The following LRRN2 variants were observed in gnomAD, a reference collection of about 807,000 sequenced individuals.
LRRN2 encodes leucine-rich repeat neuronal protein 2.
Under a neutral mutation model 35.7 loss-of-function variants are expected in LRRN2, and 10 were observed. That is an observed-to-expected ratio of 0.28 (90% confidence interval 0.17 to 0.47). The LOEUF (loss-of-function observed/expected upper bound fraction) is 0.47. LRRN2 is among the 20% of genes least tolerant of loss of function. The pLI, the probability that LRRN2 is intolerant of heterozygous loss-of-function variation, is 0.99. For missense variants in LRRN2, 731 were observed against 940.3 expected (o/e 0.78, Z 2.91); for synonymous variants, 391 against 409.6 (o/e 0.95, Z 0.55).
At chr1:204,663,847 C>T (rs573664901) in intron 1 of LRRN2, 1 of 152,408 alleles carries the variant, frequency 6.6e-6, no homozygotes, top group Non-Finnish European at 1.5e-5. Flanking sequence ...GGCTATTACG[C>T]TGCTGTCGCA....
chr1:204,677,343 G>A (rs1483345023), intron 1 of LRRN2, among the ~76,000 whole-genome samples: 1 of 152,124 alleles, frequency 6.6e-6, no homozygotes, highest in African/African-American at 2.4e-5. Flanking sequence ...CGCCCCCCAT[G>A]TCTTGGGTGG....
In LRRN2 at chr1:204,685,648, C is replaced by G. The variant is rs547523992; in HGVS notation, c.-555G>C. On this transcript the variant is annotated 5_prime_UTR_variant, in exon 1 of 2. Coordinates refer to ENST00000367177, the MANE Select transcript of LRRN2 (RefSeq NM_201630.2). ...CGTTCGCAGGTGCCCGGAGCAGGCCCTCGCGGCGCCCGGCACCCCCTCCAC... is the reference window on the plus strand; with the variant it reads ...CGTTCGCAGGTGCCCGGAGCAGGCCGTCGCGGCGCCCGGCACCCCCTCCAC... 2 of 152,180 alleles carry G rather than the reference C, an allele frequency of 1.3e-5. No homozygotes were observed. Among genetic ancestry groups the G allele is most frequent in the East Asian group, 3.9e-4 (2 of 5,142 alleles). The allele number at this position is 152,180 out of a possible 1,614,324, so 9.4% of individuals were successfully genotyped here. A position where few individuals can be genotyped will look rare whatever the true frequency, so the allele number is the denominator to read the frequency against.
Position 204,652,264 on chromosome 1 carries a change from C to CCCCGCCCCCCCGG in LRRN2, c.-226-32047_-226-32046insCCGGGGGGGCGGG, listed in dbSNP as rs1226307656. ...CTTCGCCCTCTCCTCTTCACCGCCC[C>CCCCGCCCCCCCGG]CCCCCCGCCCCCCCGCCGCCTTCCT... On this transcript the variant is annotated intron_variant, in intron 1 of 1. Coordinates refer to ENST00000367177, the MANE Select transcript of LRRN2 (RefSeq NM_201630.2). Among the ~76,000 whole-genome samples the CCCCGCCCCCCCGG allele has an allele frequency of 3.8e-4, 4 of 10,568 alleles. No individual in the cohort carries two copies. In the South Asian group the frequency reaches 0.053, roughly 139 times the overall value. 6.9% of individuals were successfully genotyped at this position (10,568 alleles called of 152,430 possible).
chr1:204,641,880 C>T (rs748162742), intron 1 of LRRN2, among the ~76,000 whole-genome samples: 14 of 152,252 alleles, frequency 9.2e-5, no homozygotes, highest in Non-Finnish European at 1.6e-4. Flanking sequence ...TGGTTTTCTC[C>T]CAGTGAGGTA....
At chr1:204,670,007 T>TG (rs35814537) in intron 1 of LRRN2, among the ~76,000 whole-genome samples, 102,207 of 149,984 alleles carry the variant, frequency 0.68, 35,716 homozygotes, top group Non-Finnish European at 0.77. Flanking sequence ...TTTCCACTCG[T>TG]TTTTTTTTTT....
rs1316678896 is a variant in LRRN2, at chr1:204,619,946, G to T, written c.47C>A (p.Ala16Asp). The change falls in exon 2 of 2, where the codon GCC becomes GAC. Residue 16 changes from alanine to aspartate, a missense_variant. Ala to Asp is a moderately radical substitution (Grantham distance 126). Transcript: ENST00000367177. ...GGGTACCACGGGCACAGCGGCAGTGGCACCAGCCACCCAAGCTAGCAAGAG... is the reference window on the plus strand; with the variant it reads ...GGGTACCACGGGCACAGCGGCAGTGTCACCAGCCACCCAAGCTAGCAAGAG... ...APLLLAWVAG[A>D]TAAVPVVPWH... The T allele has an allele frequency of 1.2e-6, 2 of 1,612,836 alleles. No homozygotes were observed. The highest frequency in any genetic ancestry group is 1.7e-6 in the Non-Finnish European group (2 of 1,179,734).
chr1:204,662,079 G>C (rs1219770128), intron 1 of LRRN2, among the ~76,000 whole-genome samples: 31 of 152,210 alleles, frequency 2.0e-4, no homozygotes, highest in Admixed American at 2.0e-3. Context: ...GACGTGATCA[G>C]TTCTGTATCT....
chr1:204,665,582 G>A (rs558718357), intron 1 of LRRN2, among the ~76,000 whole-genome samples: 3 of 152,314 alleles, frequency 2.0e-5, no homozygotes, highest in East Asian at 3.9e-4. Flanking sequence ...TCCCCTTGAC[G>A]CCACAGGGCA....
intron 1 of LRRN2, among the ~76,000 whole-genome samples, chr1:204,670,896 T>C (rs1243325045): frequency 6.6e-6 from 1 of 152,158 alleles, no homozygotes; most frequent in Non-Finnish European, 1.5e-5. Flanking sequence ...CAGCCAACCC[T>C]TTCAGACATT....
At chr1:204,679,515 A>G (rs1668893625) in intron 1 of LRRN2, among the ~76,000 whole-genome samples, 1 of 152,192 alleles carries the variant, frequency 6.6e-6, no homozygotes, top group East Asian at 1.9e-4. Context: ...GCTAATAATC[A>G]CTGCCCTGCC....
intron 1 of LRRN2, among the ~76,000 whole-genome samples, chr1:204,667,990 C>T (rs577559290): frequency 5.9e-5 from 9 of 152,264 alleles, no homozygotes; most frequent in Admixed American, 2.6e-4. Context: ...CTTCCCTCAG[C>T]TTTGACCATC....
At chr1:204,650,154 T>C (rs765443050) in intron 1 of LRRN2, among the ~76,000 whole-genome samples, 3 of 152,136 alleles carry the variant, frequency 2.0e-5, no homozygotes, top group Non-Finnish European at 2.9e-5. Context: ...GAGGGTTAAG[T>C]GCCCACTGGC....
intron 1 of LRRN2, among the ~76,000 whole-genome samples, chr1:204,675,198 A>G (rs1394317247): frequency 6.6e-6 from 1 of 152,168 alleles, no homozygotes; most frequent in Non-Finnish European, 1.5e-5. Flanking sequence ...TTCTGAAGCA[A>G]TCCCTCCGGG....
At chr1:204,634,733 T>G (rs11811826) in intron 1 of LRRN2, among the ~76,000 whole-genome samples, 1 of 152,070 alleles carries the variant, frequency 6.6e-6, no homozygotes, top group Non-Finnish European at 1.5e-5. Flanking sequence ...GACACCTTGA[T>G]TTTGAACCTC....
intron 1 of LRRN2, among the ~76,000 whole-genome samples, chr1:204,678,784 G>T (rs187571198): frequency 1.3e-4 from 20 of 152,160 alleles, no homozygotes; most frequent in African/African-American, 3.4e-4. Flanking sequence ...CCCTGCACAA[G>T]ATAACAAACT....
intron 1 of LRRN2, among the ~76,000 whole-genome samples, chr1:204,636,007 T>A (rs1310908332): frequency 1.3e-5 from 2 of 152,182 alleles, no homozygotes; most frequent in African/African-American, 4.8e-5. Context: ...ACCTCCACCA[T>A]CACTATGGTC....
intron 1 of LRRN2, 120 bp from the exon 2 acceptor site, chr1:204,620,338 C>T (rs1208618571): frequency 2.1e-5 from 11 of 532,750 alleles, no homozygotes; most frequent in Non-Finnish European, 2.5e-5. Flanking sequence ...TGCAGCGGTG[C>T]ACTCAGCTGA....
At chr1:204,624,027 A>G (rs1260848490) in intron 1 of LRRN2, among the ~76,000 whole-genome samples, 2 of 152,204 alleles carry the variant, frequency 1.3e-5, no homozygotes, top group African/African-American at 4.8e-5. Flanking sequence ...ATTCAAACCC[A>G]GGGTCTTTGA....
chr1:204,670,975 T>G (rs1052012139), intron 1 of LRRN2, among the ~76,000 whole-genome samples: 3 of 152,150 alleles, frequency 2.0e-5, no homozygotes, highest in Non-Finnish European at 4.4e-5. Context: ...AGGTTTTTGT[T>G]GTTGTTTTGC....
Sources: gnomAD v4.1 joint callset for allele counts (sites outside exome capture counted in the v4.1 genomes callset) on GRCh38, gnomAD v4.1.1 for gene constraint, MANE v1.5 for transcripts, NCBI Gene and HGNC (gene_info 2026-07-23, HGNC 2026-07-21) for gene names.